CELF2: variants seen among roughly 807,000 people sequenced by gnomAD.
CELF2 encodes CUGBP Elav-like family member 2.
In CELF2, 8 loss-of-function variants were observed where a neutral mutation model predicts 62.6. The ratio of observed to expected loss-of-function variants is 0.13; its 90% confidence interval spans 0.07 to 0.23. The LOEUF is 0.23. Among genes scored for constraint, CELF2 ranks in the 10% least tolerant of loss-of-function variants. CELF2 has a pLI of 1.00. For synonymous variants in CELF2, 258 were observed against 250.0 expected (o/e 1.03, Z -0.30); for missense variants, 333 against 671.0 (o/e 0.50, Z 5.56).
chr10:11,312,023 C>T (rs777991983), intron 9 of CELF2, among the ~76,000 whole-genome samples: 11 of 152,136 alleles, frequency 7.2e-5, no homozygotes, highest in Admixed American at 7.2e-4. Flanking sequence ...ATGCAGAACA[C>T]CAAAGACAAG....
chr10:10,690,596 A>G, the CELF2 span, among the ~76,000 whole-genome samples: 5 of 152,138 alleles, frequency 3.3e-5, no homozygotes, highest in Non-Finnish European at 5.9e-5. Flanking sequence ...ATACCAGCTC[A>G]TGGTTGGGCA....
the CELF2 span, among the ~76,000 whole-genome samples, chr10:10,524,621 T>C: frequency 5.9e-5 from 9 of 152,228 alleles, no homozygotes; most frequent in East Asian, 7.7e-4. Context: ...TTCGAATTGA[T>C]AGAATTTCTC....
intron 5 of CELF2, among the ~76,000 whole-genome samples, chr10:11,259,749 C>G (rs1376050761): frequency 6.6e-6 from 1 of 152,188 alleles, no homozygotes; most frequent in East Asian, 1.9e-4. Flanking sequence ...TCTAATCACA[C>G]CTGGTGGTCC....
chr10:10,881,030 G>A (rs1394020314), intron 1 of CELF2, among the ~76,000 whole-genome samples: 1 of 152,064 alleles, frequency 6.6e-6, no homozygotes, highest in Non-Finnish European at 1.5e-5. Context: ...CCAGACCCCG[G>A]TGATTGCTAC....
chr10:10,791,765 C>T, the CELF2 span, among the ~76,000 whole-genome samples: 2 of 152,136 alleles, frequency 1.3e-5, no homozygotes, highest in South Asian at 2.1e-4. Flanking sequence ...TTGTTTATTA[C>T]AGTTTATGAC....
intron 3 of CELF2, among the ~76,000 whole-genome samples, chr10:11,230,155 C>A (rs542198703): frequency 6.6e-6 from 1 of 152,282 alleles, no homozygotes; most frequent in Admixed American, 6.5e-5. Context: ...TCCCCCAGGA[C>A]CTGCATTTGA....
chr10:10,706,881 T>C, the CELF2 span, among the ~76,000 whole-genome samples: 3 of 152,314 alleles, frequency 2.0e-5, no homozygotes, highest in Non-Finnish European at 2.9e-5. Flanking sequence ...TATTACCATC[T>C]CTGTGCTCCT....
At chr10:10,653,037 G>A in the CELF2 span, among the ~76,000 whole-genome samples, 8 of 151,862 alleles carry the variant, frequency 5.3e-5, no homozygotes, top group Admixed American at 5.2e-4. Context: ...CCAAGCAAAT[G>A]GAAAACAAAA....
chr10:11,297,033 G>A lies in CELF2; in HGVS notation c.976+8481G>A, dbSNP rs78964467. Among the ~76,000 whole-genome samples the A allele has an allele frequency of 0.022, 3,341 of 152,250 alleles. 54 individuals are homozygous for A. Among genetic ancestry groups the A allele is most frequent in the Non-Finnish European group, 0.035 (2,390 of 68,002 alleles). On this transcript the variant is annotated intron_variant, in intron 9 of 12. Coordinates refer to ENST00000633077, the MANE Select transcript of CELF2 (RefSeq NM_001326342.2). This position sits in a 1 kb window ranked among gnomAD's most constrained non-coding sequence, Gnocchi z 4.4. ...AGTGAAGAGCTATTCAGGACTTTAG[G>A]CCCAAGAATGATAGACTTCCTGTGT...
chr10:10,558,382 A>C, the CELF2 span, among the ~76,000 whole-genome samples: 1 of 151,958 alleles, frequency 6.6e-6, no homozygotes, highest in Non-Finnish European at 1.5e-5. Flanking sequence ...CCAGGGATGA[A>C]GCCCACTTGA....
At chr10:11,113,617 G>T (rs954283553) in intron 1 of CELF2, among the ~76,000 whole-genome samples, 1 of 152,194 alleles carries the variant, frequency 6.6e-6, no homozygotes, top group African/African-American at 2.4e-5. Context: ...TTTTATAAAT[G>T]CTCTGTATCA....
chr10:10,704,673 TA>T, the CELF2 span, among the ~76,000 whole-genome samples: 1 of 152,242 alleles, frequency 6.6e-6, no homozygotes, highest in Admixed American at 6.5e-5. Flanking sequence ...GGGGCTTAGT[TA>T]ACTCATAGGC....
intron 1 of CELF2, among the ~76,000 whole-genome samples, chr10:11,093,943 A>C (rs1476397835): frequency 6.6e-6 from 1 of 152,238 alleles, no homozygotes; most frequent in Admixed American, 6.5e-5. Flanking sequence ...TGTCATGGAC[A>C]ATTAGTAGCC....
At chr10:10,969,905 C>G (rs2050577158) in intron 2 of CELF2, among the ~76,000 whole-genome samples, 1 of 152,148 alleles carries the variant, frequency 6.6e-6, no homozygotes, top group Non-Finnish European at 1.5e-5. Context: ...CTACCTAATA[C>G]TTGTTGTTTA....
the CELF2 span, among the ~76,000 whole-genome samples, chr10:10,695,835 C>A: frequency 1.3e-5 from 2 of 151,790 alleles, no homozygotes; most frequent in Non-Finnish European, 2.9e-5. Context: ...ACGTAGTTCT[C>A]GAGCCTTGGT....
rs996140501 is a variant in CELF2 at position 11,296,084 on chromosome 10, C to T, written c.976+7532C>T. 6.6e-6 allele frequency among the ~76,000 whole-genome samples: 1 copy of T among 152,162 alleles called. No homozygotes were observed. Among genetic ancestry groups the T allele is most frequent in the East Asian group, 1.9e-4 (1 of 5,194 alleles). ...CTGGGATTTATGCAAGTAGATTCCA[C>T]CTGTGCCCTGAGCTCTCCTTGGCGG... On this transcript the variant is annotated intron_variant, in intron 9 of 12. Coordinates refer to ENST00000633077, the MANE Select transcript of CELF2 (RefSeq NM_001326342.2). This position sits in a 1 kb window ranked among gnomAD's most constrained non-coding sequence, Gnocchi z 5.0.
Position 11,234,305 on chromosome 10 carries a change from T to C in CELF2, c.355-14848T>C, listed in dbSNP as rs139460865. Among the ~76,000 whole-genome samples the C allele has an allele frequency of 1.2e-3, 189 of 152,280 alleles. 3 individuals carry two copies. The highest frequency in any genetic ancestry group is 9.9e-3 in the Admixed American group (152 of 15,298). ...GAGCCCGGCTTAACACCTCACACCA[T>C]AGATAGTGCTCAACAAATGTTTGTT... On this transcript the variant is annotated intron_variant, in intron 3 of 12. Transcript: ENST00000633077.
At chr10:10,739,653 T>C in the CELF2 span, among the ~76,000 whole-genome samples, 1 of 152,200 alleles carries the variant, frequency 6.6e-6, no homozygotes, top group Non-Finnish European at 1.5e-5. Flanking sequence ...TGCCCTTTTC[T>C]CTTCCAGAAA....
At chr10:10,701,140 G>A in the CELF2 span, among the ~76,000 whole-genome samples, 2 of 152,174 alleles carry the variant, frequency 1.3e-5, no homozygotes, top group Non-Finnish European at 2.9e-5. Flanking sequence ...CATCATGCAC[G>A]AAGGCCCAGC....
Sources: gnomAD v4.1 joint callset for allele counts (sites outside exome capture counted in the v4.1 genomes callset) on GRCh38, gnomAD v4.1.1 for gene constraint, Gnocchi (gnomAD v3.1) non-coding constraint, MANE v1.5 for transcripts, NCBI Gene and HGNC (gene_info 2026-07-23, HGNC 2026-07-21) for gene names.